Variants in SLC26A1 observed in about 807,000 individuals in gnomAD.
The protein encoded by SLC26A1 is solute carrier family 26 member 1.
SLC26A1 carries 18 observed loss-of-function variants against 14.5 expected under a neutral mutation model. The observed-to-expected ratio is 1.24, with a 90% confidence interval of 0.86 to 1.84. SLC26A1 has a LOEUF of 1.84. Ranked by LOEUF, SLC26A1 falls within the 40% of genes most tolerant of loss-of-function variation. The probability of loss-of-function intolerance (pLI) is 0.00; values close to 1 mark genes in which losing one functional copy is unlikely to be tolerated. For missense variants in SLC26A1, 1,049 were observed against 1,020.0 expected, an observed-to-expected ratio of 1.03 and a Z score of -0.39; for synonymous variants, 505 against 492.0, an observed-to-expected ratio of 1.03 and a Z score of -0.35.
chr4:988,050 C>T lies in SLC26A1; in HGVS notation c.*783G>A, dbSNP rs1020714305. ...CTCGGAAGACCCCTTGTTCCCCCAC[C>T]TCCCGCCGAAGCACCCTGTTGGGGA... On this transcript the variant is annotated 3_prime_UTR_variant, in exon 3 of 3. Coordinates refer to ENST00000398516, the MANE Select transcript of SLC26A1 (RefSeq NM_022042.4). 4 of 1,478,124 alleles carry T rather than the reference C, an allele frequency of 2.7e-6. No homozygotes were observed. Among genetic ancestry groups the T allele is most frequent in the African/African-American group, 2.8e-5 (2 of 71,996 alleles). The allele number at this position is 1,478,124 out of a possible 1,614,324, so 91.6% of individuals were successfully genotyped here. A position where few individuals can be genotyped will look rare whatever the true frequency, so the allele number is the denominator to read the frequency against.
At chr4:981,648 G>A (rs1713544865) in intron 2 of SLC26A1, among the ~76,000 whole-genome samples, 3 of 150,598 alleles carry the variant, frequency 2.0e-5, no homozygotes. Flanking sequence ...AAAACAAAAT[G>A]CATTAAAATC....
Position 988,260 on chromosome 4 carries a change from C to T in SLC26A1, c.*573G>A. The T allele has an allele frequency of 8.1e-7, 1 of 1,234,274 alleles. No individual in the cohort carries two copies. The highest frequency in any genetic ancestry group is 1.0e-6 in the Non-Finnish European group (1 of 979,282). The allele number at this position is 1,234,274 out of a possible 1,614,324, so 76.5% of individuals were successfully genotyped here. On this transcript the variant is annotated 3_prime_UTR_variant, in exon 3 of 3. Coordinates refer to ENST00000398516, the MANE Select transcript of SLC26A1 (RefSeq NM_022042.4). ...CTGGCCAGGCTGGGTAGGGCCACTGCACCTGAGGGCTGAGCTGAGGTCTCA... is the reference window on the plus strand; with the variant it reads ...CTGGCCAGGCTGGGTAGGGCCACTGTACCTGAGGGCTGAGCTGAGGTCTCA...
downstream of SLC26A1, among the ~76,000 whole-genome samples, chr4:983,911 G>A (rs377417302): frequency 3.9e-3 from 590 of 152,326 alleles, 35 homozygotes; most frequent in South Asian, 0.1. Context: ...TGCAGCCTCT[G>A]CCTCCCAGGT....
At chr4:982,511 G>A (rs913245008) in intron 2 of SLC26A1, among the ~76,000 whole-genome samples, 8 of 152,214 alleles carry the variant, frequency 5.3e-5, no homozygotes, top group African/African-American at 1.4e-4. Context: ...CCCGGTGGAC[G>A]GCTGCTGCTC....
chr4:979,164 C>G, exon 3 of SLC26A1: 1 of 397,902 alleles, frequency 2.5e-6, no homozygotes, highest in Non-Finnish European at 4.5e-6. Context: ...GTGTGCTTTG[C>G]TTTACAGAAA....
Position 989,657 on chromosome 4 carries a change from G to A in SLC26A1, c.1282C>T (p.Leu428=). The change falls in exon 3 of 3, where the codon CTG becomes TTG. Residue 428 remains leucine, a synonymous_variant. Coordinates refer to ENST00000398516, the MANE Select transcript of SLC26A1 (RefSeq NM_022042.4). ...VSATVVLLVL[L]ALAPLFHDLQ... is the part of the protein sequence containing the mutation. ...TCGTGGAACAGCGGTGCCAGCGCCAGCAGCACCAGCAGCACCACGGTGGCG... is the reference window on the plus strand; with the variant it reads ...TCGTGGAACAGCGGTGCCAGCGCCAACAGCACCAGCAGCACCACGGTGGCG... The A allele has an allele frequency of 6.3e-7, 1 of 1,577,764 alleles. No individual in the cohort carries two copies.
Position 981,223 on chromosome 4 carries a change from A to G in SLC26A1, c.577-1719T>C, listed in dbSNP as rs1393760534. On this transcript the variant is annotated intron_variant, in intron 2 of 2. Coordinates refer to the SLC26A1 transcript ENST00000398520. ...TCTTCAGAGGCGCGGGCCCACGTGC[A>G]TGGAGAGCACCCTCCTACTGACACG... Among the ~76,000 whole-genome samples, 6 of 152,360 alleles carry G rather than the reference A, an allele frequency of 3.9e-5. 1 individual carries two copies. The South Asian group carries it at 8.3e-4, about 21-fold the overall frequency.
At chr4:980,073 G>A (rs1437818354) in intron 2 of SLC26A1, among the ~76,000 whole-genome samples, 1 of 152,232 alleles carries the variant, frequency 6.6e-6, no homozygotes, top group African/African-American at 2.4e-5. Context: ...AAGGGCAAAT[G>A]AGGCAGGGTG....
chr4:992,057 T>G, intron 1 of SLC26A1: 1 of 554,418 alleles, frequency 1.8e-6, no homozygotes, highest in Non-Finnish European at 3.4e-6. Context: ...GGCTCTGCGG[T>G]TCCTGGCTGA....
intron 2 of SLC26A1, among the ~76,000 whole-genome samples, chr4:980,703 T>C (rs969374875): frequency 2.0e-5 from 3 of 151,914 alleles, no homozygotes; most frequent in Admixed American, 6.6e-5. Context: ...ACCAAGATTT[T>C]GTTTAAGAAA....
intron 1 of SLC26A1, chr4:992,328 C>T (rs1038574765): frequency 6.4e-5 from 26 of 403,952 alleles, no homozygotes; most frequent in African/African-American, 4.9e-4. Flanking sequence ...CCTCCACCCA[C>T]CCCTCTGTCA....
intron 1 of SLC26A1, 131 bp from the exon 2 acceptor site, chr4:991,861 TCTC>T (rs1376032365): frequency 2.0e-6 from 3 of 1,504,928 alleles, no homozygotes; most frequent in Non-Finnish European, 2.7e-6. Context: ...TGCTGGGCCT[TCTC>T]CTGGCAGCGC....
In SLC26A1 at chr4:991,315, C is replaced by A. The variant is rs1280992893; in HGVS notation, c.389G>T (p.Cys130Phe). Residue 130 changes from cysteine (C) to phenylalanine (F), a missense_variant, in exon 2 of 3, where the codon TGC (cysteine) becomes TTC (phenylalanine). Transcript: ENST00000398516. ...HVSVGIFSLL[C>F]LMVGQVVDRE... ...GTCCACCACCTGCCCCACCATGAGG[C>A]AAAGCAGGCTGAAGATGCCCACGGA... is the stretch of plus-strand genomic sequence containing the variant. 6.2e-7 allele frequency: 1 copy of A among 1,612,848 alleles called. No individual in the cohort carries two copies. The highest frequency in any genetic ancestry group is 1.7e-5 in the Admixed American group (1 of 60,034).
At chr4:992,465 A>G (rs1714440889) in intron 1 of SLC26A1, among the ~76,000 whole-genome samples, 1 of 152,200 alleles carries the variant, frequency 6.6e-6, no homozygotes, top group South Asian at 2.1e-4. Context: ...AGCCTAGCCC[A>G]TCCGCCTGGA....
downstream of SLC26A1, chr4:987,098 G>GC: frequency 6.8e-7 from 1 of 1,464,280 alleles, no homozygotes; most frequent in Admixed American, 2.4e-5. Flanking sequence ...CGTCCCCTGC[G>GC]CCCCCGCGCC....
intron 1 of SLC26A1, chr4:992,039 G>A (rs1036003981): frequency 1.0e-5 from 6 of 589,444 alleles, no homozygotes; most frequent in South Asian, 3.2e-5. Context: ...GCTCAGCTCC[G>A]GCCTATTGGC....
At position 991,936 on chromosome 4, in the gene SLC26A1, G is replaced by C. The variant is rs761106154; in HGVS notation, c.-27-206C>G. 7 of 927,130 alleles carry C rather than the reference G, an allele frequency of 7.6e-6. No homozygotes were observed. The Admixed American group carries it at 1.2e-4, about 16-fold the overall frequency. 57.4% of individuals were successfully genotyped at this position (927,130 alleles called of 1,614,324 possible). On this transcript the variant is annotated intron_variant, in intron 1 of 2. Coordinates refer to ENST00000398516, the MANE Select transcript of SLC26A1 (RefSeq NM_022042.4). ...GGCCCTGCTGGATCCAGAATCCATC[G>C]TGAGGTGAGATGGGATTACGACACC...
Position 993,398 on chromosome 4 carries a change from GGA to G in SLC26A1, c.-127_-126del, listed in dbSNP as rs1394619086. On this transcript the variant is annotated 5_prime_UTR_variant, in exon 1 of 3. Coordinates refer to ENST00000398516, the MANE Select transcript of SLC26A1 (RefSeq NM_022042.4). The stretch of plus-strand genomic sequence containing the variant: ...GCCCTCTGGCTCCCGCGAGCAGCGG[GGA>G]GAGTGGGGGTGGTGGCGCCAACCTG... 6.6e-6 allele frequency: 1 copy of G among 152,394 alleles called. No homozygotes were observed. The highest frequency in any genetic ancestry group is 1.5e-5 in the Non-Finnish European group (1 of 68,166). 9.4% of individuals were successfully genotyped at this position (152,394 alleles called of 1,614,324 possible).
chr4:986,147 C>G (rs1713717430), downstream of SLC26A1, among the ~76,000 whole-genome samples: 1 of 152,094 alleles, frequency 6.6e-6, no homozygotes, highest in African/African-American at 2.4e-5. Flanking sequence ...AAACTCCAGG[C>G]CTCAAGTGAT....
Sources: allele counts gnomAD v4.1 joint callset (sites outside exome capture counted in the v4.1 genomes callset), GRCh38; gene constraint gnomAD v4.1.1; transcripts MANE v1.5; gene names NCBI Gene and HGNC (gene_info 2026-07-23, HGNC 2026-07-21).